PIGN: variants seen among roughly 807,000 people sequenced by gnomAD.
PIGN encodes GPI ethanolamine phosphate transferase 1.
In PIGN, 117 loss-of-function variants were observed where a neutral mutation model predicts 125.4. That is an observed-to-expected ratio of 0.93 (90% CI 0.80 to 1.09). The LOEUF is 1.09. Among genes scored for constraint, PIGN ranks in the 50% least tolerant of loss-of-function variants. The pLI is 0.00. For missense variants in PIGN, 1,075 were observed against 1,094.9 expected, an observed-to-expected ratio of 0.98 and a Z score of 0.26; for synonymous variants, 392 against 377.8, an observed-to-expected ratio of 1.04 and a Z score of -0.44.
At chr18:62,131,869 C>T (rs1322921449) in intron 14 of PIGN, among the ~76,000 whole-genome samples, 2 of 152,040 alleles carry the variant, frequency 1.3e-5, no homozygotes, top group South Asian at 4.1e-4. Context: ...GGTGAAGATA[C>T]CATTAAACTA....
intron 1 of PIGN, among the ~76,000 whole-genome samples, chr18:62,183,739 A>G (rs2037799009): frequency 6.6e-6 from 1 of 152,188 alleles, no homozygotes; most frequent in Non-Finnish European, 1.5e-5. Context: ...AATTATTTAG[A>G]ATTATCATTT....
At chr18:62,166,406 T>G (rs2037135495) in intron 1 of PIGN, among the ~76,000 whole-genome samples, 2 of 152,180 alleles carry the variant, frequency 1.3e-5, no homozygotes, top group Admixed American at 1.3e-4. Flanking sequence ...TGTTAATATT[T>G]ATTTAGTGGC....
chr18:62,145,101 G>A (rs2036275345), intron 10 of PIGN, among the ~76,000 whole-genome samples: 2 of 151,914 alleles, frequency 1.3e-5, no homozygotes, highest in Non-Finnish European at 1.5e-5. Flanking sequence ...ATCATAATGT[G>A]TAAGTTTTGT....
chr18:62,136,226 T>G (rs2035927544), intron 14 of PIGN: 1 of 152,202 alleles, frequency 6.6e-6, no homozygotes, highest in Non-Finnish European at 1.5e-5. Flanking sequence ...GTAATCAATT[T>G]TATATGATTA....
chr18:62,148,092 A>C, intron 8 of PIGN, 122 bp downstream of exon 8: 3 of 692,216 alleles, frequency 4.3e-6, no homozygotes, highest in South Asian at 4.6e-5. Flanking sequence ...CTTAATAAAC[A>C]TTACAGTAGT....
At chr18:62,105,503 A>C in intron 20 of PIGN, 40 bp downstream of exon 20, 1 of 1,163,416 alleles carries the variant, frequency 8.6e-7, no homozygotes, top group East Asian at 2.6e-5. Context: ...AGGAAAAAAA[A>C]GTGTATTGAA....
chr18:62,186,237 G>A (rs1388304462), intron 1 of PIGN: 2 of 152,140 alleles, frequency 1.3e-5, no homozygotes, highest in Non-Finnish European at 2.9e-5. Context: ...TTTTAGTAGA[G>A]AAGGGGTTTC....
intron 30 of PIGN, among the ~76,000 whole-genome samples, chr18:62,054,461 C>T (rs1410743892): frequency 6.8e-6 from 1 of 147,796 alleles, no homozygotes; most frequent in Non-Finnish European, 1.5e-5. Flanking sequence ...GCAAGCCACA[C>T]ATTCAACAAA....
chr18:62,175,393 G>A (rs181194632), intron 1 of PIGN, among the ~76,000 whole-genome samples: 1 of 152,110 alleles, frequency 6.6e-6, no homozygotes. Flanking sequence ...CACAGGTACT[G>A]ACCCCAAAAC....
intron 23 of PIGN, among the ~76,000 whole-genome samples, chr18:62,095,458 T>C (rs2034140006): frequency 7.1e-6 from 1 of 141,572 alleles, no homozygotes; most frequent in South Asian, 2.2e-4. Context: ...ATATGTAAGA[T>C]TAAAAAAATA....
chr18:62,049,193 T>C (rs2031027493), intron 30 of PIGN, among the ~76,000 whole-genome samples: 1 of 152,186 alleles, frequency 6.6e-6, no homozygotes, highest in Non-Finnish European at 1.5e-5. Flanking sequence ...AGCAGCATGA[T>C]TTATAGTCCC....
chr18:62,092,996 CTTATT>C (rs974729231), intron 23 of PIGN, among the ~76,000 whole-genome samples: 1 of 151,886 alleles, frequency 6.6e-6, no homozygotes, highest in African/African-American at 2.4e-5. Context: ...AAATATAGTT[CTTATT>C]TTATAGCAGC....
Position 62,098,006 on chromosome 18 carries a change from C to T in PIGN, c.2078-2056G>A, listed in dbSNP as rs74624101. On this transcript the variant is annotated intron_variant, in intron 22 of 30. Coordinates refer to ENST00000640252, the MANE Select transcript of PIGN (RefSeq NM_176787.5). ...AAATCCCGGCTGAATCACTTACTAA[C>T]TGTTTAAACTATAGGGCAAGTTCAT... is the stretch of plus-strand genomic sequence containing the variant. 6.4e-3 allele frequency among the ~76,000 whole-genome samples: 975 copies of T among 152,290 alleles called. 25 individuals carry two copies. In the East Asian group the frequency reaches 0.067, roughly 10 times the overall value.
rs1421574812 is a variant in PIGN, at chr18:62,042,778, G to A, written c.*3078C>T. ...AATATTTTAAAATTAGCTAGGTGTG[G>A]GGGCATGTGCCTGTAGTCTCAGCTA... is the stretch of plus-strand genomic sequence containing the variant. On this transcript the variant is annotated 3_prime_UTR_variant, in exon 31 of 31. Coordinates refer to ENST00000640252, the MANE Select transcript of PIGN (RefSeq NM_176787.5). 6.6e-6 allele frequency: 1 copy of A among 151,984 alleles called. No homozygotes were observed. Among genetic ancestry groups the A allele is most frequent in the South Asian group, 2.1e-4 (1 of 4,810 alleles). 9.4% of individuals were successfully genotyped at this position (151,984 alleles called of 1,614,324 possible). A position where few individuals can be genotyped will look rare whatever the true frequency, so the allele number is the denominator to read the frequency against.
chr18:62,139,910 G>A lies in PIGN; in HGVS notation c.1023+510C>T, dbSNP rs866943414. ...AGGTTATTACAAGGCTGGTTTTCAA[G>A]CACCACTTTGTTTCAGCAAATCACC... On this transcript the variant is annotated intron_variant, in intron 12 of 30. Transcript: ENST00000640252. Among the ~76,000 whole-genome samples the A allele has an allele frequency of 5.3e-5, 8 of 152,108 alleles. No individual in the cohort carries two copies. In the East Asian group the frequency reaches 1.5e-3, roughly 29 times the overall value.
intron 30 of PIGN, among the ~76,000 whole-genome samples, chr18:62,065,405 T>C (rs1162013422): frequency 6.6e-6 from 1 of 152,042 alleles, no homozygotes; most frequent in East Asian, 1.9e-4. Flanking sequence ...GATTATTCAG[T>C]TGAGAAAAAC....
At chr18:62,088,334 C>T (rs13381674) in intron 25 of PIGN, 26,010 of 153,900 alleles carry the variant, frequency 0.17, 2,968 homozygotes, top group Middle Eastern at 0.29. Context: ...CCAAAAACCT[C>T]TGTGAGACAG....
chr18:62,160,985 T>C, intron 4 of PIGN, 148 bp downstream of exon 4: 1 of 563,934 alleles, frequency 1.8e-6, no homozygotes, highest in Middle Eastern at 4.6e-4. Flanking sequence ...TGCTGACCCA[T>C]AAGACAAAGG....
At chr18:62,110,718 T>C (rs2034841958) in intron 16 of PIGN, among the ~76,000 whole-genome samples, 1 of 152,022 alleles carries the variant, frequency 6.6e-6, no homozygotes, top group Non-Finnish European at 1.5e-5. Context: ...ACCTGTGAAT[T>C]TAGGACTTGC....
Sources: gnomAD v4.1 joint callset for allele counts (sites outside exome capture counted in the v4.1 genomes callset) on GRCh38, gnomAD v4.1.1 for gene constraint, MANE v1.5 for transcripts, NCBI Gene and HGNC (gene_info 2026-07-23, HGNC 2026-07-21) for gene names.